LRFN5: variants seen among roughly 807,000 people sequenced by gnomAD.
LRFN5 encodes leucine-rich repeat and fibronectin type-III domain-containing protein 5.
A neutral mutation model predicts 45.6 loss-of-function variants in LRFN5; 24 were observed. The observed-to-expected ratio is 0.53, with a 90% CI of 0.38 to 0.74. The LOEUF is 0.74. LRFN5 is among the 30% of genes least tolerant of loss of function. The pLI is 0.00. For synonymous variants in LRFN5, 340 were observed against 313.8 expected (o/e 1.08, Z -0.88); for missense variants, 776 against 861.5 (o/e 0.90, Z 1.24).
chr14:41,800,091 A>G (rs1195441825), intron 2 of LRFN5, among the ~76,000 whole-genome samples: 1 of 152,062 alleles, frequency 6.6e-6, no homozygotes, highest in Admixed American at 6.6e-5. Context: ...GACATCAGCT[A>G]ATATTTCTAA....
At chr14:41,806,010 G>T (rs1887513779) in intron 2 of LRFN5, among the ~76,000 whole-genome samples, 1 of 152,110 alleles carries the variant, frequency 6.6e-6, no homozygotes, top group African/African-American at 2.4e-5. Context: ...CCCCACAAAA[G>T]ACAAACTTGC....
chr14:41,894,549 A>C, intron 4 of LRFN5: 1 of 960,972 alleles, frequency 1.0e-6, no homozygotes. Flanking sequence ...AGATTAACAA[A>C]AGACTGGCTT....
intron 1 of LRFN5, chr14:41,701,679 G>A (rs1280060134): frequency 6.6e-6 from 1 of 152,156 alleles, no homozygotes; most frequent in Non-Finnish European, 1.5e-5. Flanking sequence ...GGGAAATGCA[G>A]AATGTGATAG....
intron 2 of LRFN5, among the ~76,000 whole-genome samples, chr14:41,825,317 T>C (rs1213843947): frequency 1.3e-5 from 2 of 152,278 alleles, no homozygotes; most frequent in Middle Eastern, 3.4e-3. Flanking sequence ...TCCATGTTTA[T>C]GTGAAAGTGC....
chr14:41,690,483 A>T (rs1420139042), intron 1 of LRFN5, among the ~76,000 whole-genome samples: 1 of 152,138 alleles, frequency 6.6e-6, no homozygotes, highest in Non-Finnish European at 1.5e-5. Flanking sequence ...CGCCCTTGGG[A>T]GGTGGAGGTT....
chr14:41,642,536 T>C (rs1193539976), intron 1 of LRFN5, among the ~76,000 whole-genome samples: 1 of 152,162 alleles, frequency 6.6e-6, no homozygotes, highest in East Asian at 1.9e-4. Flanking sequence ...AGGCAAGTGG[T>C]TCCTCATTGT....
At chr14:41,692,772 T>C (rs1882436742) in intron 1 of LRFN5, among the ~76,000 whole-genome samples, 1 of 152,190 alleles carries the variant, frequency 6.6e-6, no homozygotes, top group African/African-American at 2.4e-5. Flanking sequence ...ACAGTGTGAA[T>C]TGTGTTTTTT....
At chr14:41,823,248 A>AT (rs141824912) in intron 2 of LRFN5, among the ~76,000 whole-genome samples, 13 of 151,002 alleles carry the variant, frequency 8.6e-5, no homozygotes, top group South Asian at 2.1e-4. Context: ...TTCTACTTTC[A>AT]TTTTTTTTTA....
intron 2 of LRFN5, among the ~76,000 whole-genome samples, chr14:41,781,665 GGAAA>G (rs1313209632): frequency 0.01 from 1,419 of 141,250 alleles, 15 homozygotes; most frequent in African/African-American, 0.03. Flanking sequence ...AAGAAAGAAA[GGAAA>G]GAAAGAAAGA....
In LRFN5 at chr14:41,785,720, C is replaced by T. The variant is rs187743758; in HGVS notation, c.-21+18691C>T. On this transcript the variant is annotated intron_variant, in intron 2 of 5. Coordinates refer to ENST00000298119, the MANE Select transcript of LRFN5 (RefSeq NM_152447.5). ...TGTAGAATCGGTGGGAGGCCCGAGG[C>T]TGTTTTCCTGCAACTGGACAGTCCG... is the stretch of plus-strand genomic sequence containing the variant. Among the ~76,000 whole-genome samples the T allele has an allele frequency of 2.7e-5, 4 of 149,994 alleles. No individual in the cohort carries two copies. The East Asian group carries it at 7.9e-4, about 30-fold the overall frequency.
intron 1 of LRFN5, among the ~76,000 whole-genome samples, chr14:41,757,862 G>C (rs1032636108): frequency 6.6e-6 from 1 of 152,260 alleles, no homozygotes; most frequent in Non-Finnish European, 1.5e-5. Flanking sequence ...ATTGGGAGCT[G>C]TAGACTGGAC....
chr14:41,901,711 A>G (rs1891106875), intron 5 of LRFN5, among the ~76,000 whole-genome samples: 2 of 152,070 alleles, frequency 1.3e-5, no homozygotes, highest in Admixed American at 6.6e-5. Flanking sequence ...GGGAAAACAC[A>G]GGGTTAGGAA....
intron 1 of LRFN5, among the ~76,000 whole-genome samples, chr14:41,688,691 C>CA (rs61511909): frequency 6.7e-6 from 1 of 150,108 alleles, no homozygotes; most frequent in Admixed American, 6.6e-5. Context: ...CAAAACAAAA[C>CA]AAAAAAAACC....
intron 1 of LRFN5, among the ~76,000 whole-genome samples, chr14:41,751,800 C>T (rs750695203): frequency 1.2e-4 from 19 of 152,244 alleles, no homozygotes; most frequent in Non-Finnish European, 2.2e-4. Flanking sequence ...TTTTACGGTA[C>T]ATATACACAA....
intron 2 of LRFN5, among the ~76,000 whole-genome samples, chr14:41,768,931 T>G (rs868074552): frequency 5.0e-4 from 76 of 152,084 alleles, no homozygotes; most frequent in African/African-American, 1.7e-3. Flanking sequence ...CAGAAATAAT[T>G]TATATGTTGA....
At chr14:41,642,905 G>A (rs1879645747) in intron 1 of LRFN5, among the ~76,000 whole-genome samples, 1 of 152,066 alleles carries the variant, frequency 6.6e-6, no homozygotes, top group Non-Finnish European at 1.5e-5. Context: ...ATAGTTAGCT[G>A]GTTAAATCCA....
intron 3 of LRFN5, among the ~76,000 whole-genome samples, chr14:41,890,609 A>G (rs1890744279): frequency 6.6e-6 from 1 of 151,472 alleles, no homozygotes; most frequent in Non-Finnish European, 1.5e-5. Context: ...CGGCAGGCTG[A>G]GGCAGGAGAA....
intron 1 of LRFN5, among the ~76,000 whole-genome samples, chr14:41,716,754 C>T (rs1883511060): frequency 1.3e-5 from 2 of 152,184 alleles, no homozygotes; most frequent in African/African-American, 2.4e-5. Context: ...TTACCCAGTT[C>T]CAAAGTTGCT....
At chr14:41,902,214 T>G (rs1891123652) in intron 5 of LRFN5, among the ~76,000 whole-genome samples, 1 of 151,900 alleles carries the variant, frequency 6.6e-6, no homozygotes, top group Non-Finnish European at 1.5e-5. Flanking sequence ...TGTCCACAGA[T>G]TTTTGCATGA....
Sources: gnomAD v4.1 joint callset for allele counts (sites outside exome capture counted in the v4.1 genomes callset) on GRCh38, gnomAD v4.1.1 for gene constraint, MANE v1.5 for transcripts, NCBI Gene and HGNC (gene_info 2026-07-23, HGNC 2026-07-21) for gene names.